Variants in NLK observed in about 807,000 individuals in gnomAD.
NLK encodes the protein nemo like kinase, also known as serine/threonine-protein kinase NLK.
Under a neutral mutation model 59.0 loss-of-function variants are expected in NLK, and 11 were observed. The ratio of observed to expected loss-of-function variants is 0.19; its 90% confidence interval spans 0.12 to 0.31. The LOEUF (loss-of-function observed/expected upper bound fraction) is 0.31. Ranked by LOEUF, NLK falls within the 10% of genes least tolerant of loss-of-function variation. The pLI, the probability that NLK is intolerant of heterozygous loss-of-function variation, is 1.00. For synonymous variants in NLK, 235 were observed against 235.9 expected, an observed-to-expected ratio of 1.00 and a Z score of 0.03; for missense variants, 410 against 661.1, an observed-to-expected ratio of 0.62 and a Z score of 4.16.
chr17:28,162,700 A>C (rs1908061624), intron 4 of NLK, among the ~76,000 whole-genome samples: 1 of 152,182 alleles, frequency 6.6e-6, no homozygotes, highest in Non-Finnish European at 1.5e-5. Flanking sequence ...AAAATGGGGA[A>C]GATATTGGCT....
chr17:28,120,727 T>C (rs1229878149), intron 1 of NLK, among the ~76,000 whole-genome samples: 1 of 152,128 alleles, frequency 6.6e-6, no homozygotes, highest in Non-Finnish European at 1.5e-5. Context: ...GATAGCACCA[T>C]GTTAAGGAAA....
At chr17:28,147,001 A>G (rs923313289) in intron 3 of NLK, among the ~76,000 whole-genome samples, 39 of 152,212 alleles carry the variant, frequency 2.6e-4, no homozygotes, top group African/African-American at 9.4e-4. Context: ...AGCTGTTTTC[A>G]GTCAGGCTTC....
At chr17:28,184,069 C>T (rs1320245560) in intron 7 of NLK, among the ~76,000 whole-genome samples, 1 of 152,194 alleles carries the variant, frequency 6.6e-6, no homozygotes, top group African/African-American at 2.4e-5. Context: ...ATTAAAGCCA[C>T]CTCCCTGCTT....
chr17:28,128,710 A>C (rs1906390603), intron 2 of NLK, among the ~76,000 whole-genome samples: 1 of 152,236 alleles, frequency 6.6e-6, no homozygotes, highest in Admixed American at 6.5e-5. Context: ...TGCTAGTGAG[A>C]GCATAAATTT....
chr17:28,076,058 C>T lies in NLK; in HGVS notation c.458+32727C>T, dbSNP rs183438918. Among the ~76,000 whole-genome samples the T allele has an allele frequency of 7.9e-5, 12 of 152,190 alleles. No homozygotes were observed. The East Asian group carries it at 1.7e-3, about 22-fold the overall frequency. On this transcript the variant is annotated intron_variant, in intron 1 of 10. Coordinates refer to ENST00000407008, the MANE Select transcript of NLK (RefSeq NM_016231.5). ...TGAGGTGAGTTGTTTTGAGGAAAGG[C>T]GAATTTTGCTTTGCCAACATTTGTG...
intron 2 of NLK, among the ~76,000 whole-genome samples, chr17:28,124,364 A>C (rs1242060865): frequency 1.3e-5 from 2 of 152,098 alleles, no homozygotes; most frequent in African/African-American, 4.8e-5. Context: ...TCTCTAAAGA[A>C]GAAAGTTTTT....
chr17:28,079,340 C>T (rs1910268505), intron 1 of NLK, among the ~76,000 whole-genome samples: 1 of 152,124 alleles, frequency 6.6e-6, no homozygotes, highest in Non-Finnish European at 1.5e-5. Context: ...GCAAATATCT[C>T]TTTGAGATCC....
In NLK at chr17:28,099,386, A is replaced by G. The variant is rs561031286; in HGVS notation, c.459-23217A>G. ...CCCCACCACAATCAGAACGTTGAAC[A>G]GGTCTTTCACCCTAAAAAGTTTCTT... On this transcript the variant is annotated intron_variant, in intron 1 of 10. Coordinates refer to ENST00000407008, the MANE Select transcript of NLK (RefSeq NM_016231.5). 4.6e-5 allele frequency among the ~76,000 whole-genome samples: 7 copies of G among 152,252 alleles called. No homozygotes were observed. In the South Asian group the frequency reaches 1.5e-3, roughly 32 times the overall value.
At chr17:28,162,233 T>C (rs1908037153) in intron 4 of NLK, among the ~76,000 whole-genome samples, 1 of 152,040 alleles carries the variant, frequency 6.6e-6, no homozygotes, top group Non-Finnish European at 1.5e-5. Context: ...GCCAGGATGA[T>C]CTTGATCTCC....
intron 9 of NLK, 49 bp from the exon 10 acceptor site, chr17:28,192,071 C>T: frequency 9.0e-7 from 1 of 1,111,882 alleles, no homozygotes; most frequent in South Asian, 1.4e-5. Flanking sequence ...TTCACTGCTC[C>T]CGGGCTTGCA....
At chr17:28,061,803 A>G (rs975633142) in intron 1 of NLK, among the ~76,000 whole-genome samples, 5 of 146,538 alleles carry the variant, frequency 3.4e-5, no homozygotes, top group African/African-American at 9.9e-5. Context: ...ATACATATAT[A>G]CATATACATA....
intron 3 of NLK, among the ~76,000 whole-genome samples, chr17:28,143,681 A>G (rs1483009953): frequency 6.6e-6 from 1 of 152,244 alleles, no homozygotes; most frequent in African/African-American, 2.4e-5. Flanking sequence ...AGAACGTCAT[A>G]CAGCATCAGT....
chr17:28,198,535 G>C (rs1909542222), downstream of NLK, among the ~76,000 whole-genome samples: 2 of 152,116 alleles, frequency 1.3e-5, no homozygotes, highest in Admixed American at 1.3e-4. Flanking sequence ...ATGTTGGCCA[G>C]GCTGGTGTCG....
intron 1 of NLK, among the ~76,000 whole-genome samples, chr17:28,051,748 C>T (rs1285469264): frequency 1.3e-5 from 2 of 151,902 alleles, no homozygotes; most frequent in Admixed American, 1.3e-4. Flanking sequence ...GCCAACAACC[C>T]TGTGACCTTG....
chr17:28,094,893 G>T (rs959598000), intron 1 of NLK, among the ~76,000 whole-genome samples: 1 of 152,150 alleles, frequency 6.6e-6, no homozygotes, highest in Non-Finnish European at 1.5e-5. Context: ...GACTTTCTCT[G>T]CAAATTTGTG....
intron 5 of NLK, 33 bp from the exon 6 acceptor site, chr17:28,168,415 C>T: frequency 1.4e-6 from 2 of 1,454,820 alleles, no homozygotes; most frequent in Non-Finnish European, 1.9e-6. Context: ...TTTGTATTTG[C>T]TTGATAATGT....
chr17:28,109,439 TTTAG>T (rs1457891923), intron 1 of NLK, among the ~76,000 whole-genome samples: 14 of 152,166 alleles, frequency 9.2e-5, no homozygotes, highest in Non-Finnish European at 1.9e-4. Context: ...TTCAGTGACT[TTTAG>T]TTAATTTATG....
intron 3 of NLK, among the ~76,000 whole-genome samples, chr17:28,158,052 AACT>A (rs1907854290): frequency 1.3e-5 from 2 of 152,184 alleles, no homozygotes; most frequent in South Asian, 4.1e-4. Flanking sequence ...ACAGGATAAT[AACT>A]ACTAAGGGAA....
At chr17:28,099,122 G>A (rs141703952) in intron 1 of NLK, among the ~76,000 whole-genome samples, 1 of 152,184 alleles carries the variant, frequency 6.6e-6, no homozygotes, top group East Asian at 1.9e-4. Flanking sequence ...CTCCAGAAAT[G>A]TACTAATTAA....
Sources: allele counts gnomAD v4.1 joint callset (sites outside exome capture counted in the v4.1 genomes callset), GRCh38; gene constraint gnomAD v4.1.1; transcripts MANE v1.5; gene names NCBI Gene and HGNC (gene_info 2026-07-23, HGNC 2026-07-21).